The following C1QTNF7 variants were observed in gnomAD, a reference collection of about 807,000 sequenced individuals.
The protein encoded by C1QTNF7 is C1q and TNF related 7.
Under a neutral mutation model 19.6 loss-of-function variants are expected in C1QTNF7, and 15 were observed. The observed-to-expected ratio is 0.76, with a 90% CI of 0.51 to 1.18. The LOEUF is 1.18. C1QTNF7 is among the 50% of genes most tolerant of loss of function. The pLI is 0.00. For missense variants in C1QTNF7, 324 were observed against 359.7 expected, an observed-to-expected ratio of 0.90 and a Z score of 0.80; for synonymous variants, 142 against 137.5, an observed-to-expected ratio of 1.03 and a Z score of -0.23.
intron 1 of C1QTNF7, among the ~76,000 whole-genome samples, chr4:15,355,150 G>T (rs750788306): frequency 1.7e-4 from 26 of 152,140 alleles, no homozygotes; most frequent in African/African-American, 2.2e-4. Context: ...TGAGGAAACA[G>T]CACATGACAG....
intron 1 of C1QTNF7, among the ~76,000 whole-genome samples, chr4:15,350,330 A>G (rs1274823916): frequency 2.3e-4 from 10 of 44,382 alleles, no homozygotes; most frequent in Non-Finnish European, 3.1e-4. Flanking sequence ...GAAGGAGGAA[A>G]GAAAGGAGGG....
Position 15,446,107 on chromosome 4 carries a change from TA to T in C1QTNF7, c.*3309del, listed in dbSNP as rs1712991297. 2 of 152,226 alleles carry T rather than the reference TA, an allele frequency of 1.3e-5. 1 individual carries two copies. The highest frequency in any genetic ancestry group is 4.1e-4 in the South Asian group (2 of 4,836). The allele number at this position is 152,226 out of a possible 1,614,324, so 9.4% of individuals were successfully genotyped here. On this transcript the variant is annotated 3_prime_UTR_variant, in exon 3 of 3. Transcript: ENST00000444304. ...AAAAATAGATTCTATAAACTCTAAA[TA>T]TACTTTTTTTCTACCACTCTGTGTA...
chr4:15,363,027 T>A (rs73799811), intron 1 of C1QTNF7, among the ~76,000 whole-genome samples: 9,385 of 152,260 alleles, frequency 0.062, 333 homozygotes, highest in South Asian at 0.13. Flanking sequence ...GAACCTGGGT[T>A]CCCTGCCTTG....
chr4:15,388,087 T>C (rs763463948), intron 1 of C1QTNF7, among the ~76,000 whole-genome samples: 1 of 152,110 alleles, frequency 6.6e-6, no homozygotes, highest in Non-Finnish European at 1.5e-5. Context: ...ATCTATGCAG[T>C]GGTGGGAGAT....
intron 2 of C1QTNF7, among the ~76,000 whole-genome samples, chr4:15,439,578 T>C (rs1399091424): frequency 6.6e-6 from 1 of 152,224 alleles, no homozygotes; most frequent in Non-Finnish European, 1.5e-5. Context: ...TTATTACAAA[T>C]GGAGCATTTA....
In C1QTNF7 at chr4:15,442,776, A is replaced by G. The variant is rs139276266; in HGVS notation, c.847A>G (p.Ile283Val). ...CGTTGACACAGATTACCTAGATTCC[A>G]TATCAGAAGATGATGAATTGTGATC... Reference protein sequence around the residue: ...LYVDTDYLDSISEDDEL With the variant: ...LYVDTDYLDSVSEDDEL The change falls in exon 3 of 3, where the codon ATA (isoleucine) becomes GTA (valine). Residue 283 changes from isoleucine (I) to valine (V), a missense_variant. Ile to Val is a conservative substitution (Grantham distance 29). Transcript: ENST00000444304. 2.7e-5 allele frequency: 44 copies of G among 1,609,164 alleles called. No individual in the cohort carries two copies. Among genetic ancestry groups the G allele is most frequent in the Non-Finnish European group, 3.7e-5 (43 of 1,177,842 alleles).
intron 1 of C1QTNF7, among the ~76,000 whole-genome samples, chr4:15,422,167 T>C (rs1711801576): frequency 6.7e-6 from 1 of 149,278 alleles, no homozygotes. Context: ...AAAGGGTAAA[T>C]TTTACATTTT....
At chr4:15,422,202 T>C (rs561588776) in intron 1 of C1QTNF7, among the ~76,000 whole-genome samples, 1 of 40,456 alleles carries the variant, frequency 2.5e-5, no homozygotes, top group Admixed American at 2.5e-4. Context: ...AATAAACCTG[T>C]TTTTTTTTAA....
Position 15,442,202 on chromosome 4 carries a change from C to T in C1QTNF7, c.273C>T (p.Ala91=), listed in dbSNP as rs147288877. The change falls in exon 3 of 3, where the codon GCC becomes GCT. Residue 91 remains alanine, a synonymous_variant. Coordinates refer to ENST00000444304, the MANE Select transcript of C1QTNF7 (RefSeq NM_031911.5). ...GTAAGACTGGACCGCTAGGTCTTGCCGGTGAGAAAGGGGACCAAGGAGAGA... is the reference window on the plus strand; with the variant it reads ...GTAAGACTGGACCGCTAGGTCTTGCTGGTGAGAAAGGGGACCAAGGAGAGA... The part of the protein sequence containing the change: ...LRGKTGPLGL[A]GEKGDQGETG... The T allele has an allele frequency of 1.1e-4, 177 of 1,612,466 alleles. No homozygotes were observed. The highest frequency in any genetic ancestry group is 1.9e-4 in the African/African-American group (14 of 74,706).
chr4:15,340,265 A>G (rs907432995), intron 1 of C1QTNF7: 9 of 1,536,098 alleles, frequency 5.9e-6, no homozygotes, highest in Non-Finnish European at 7.9e-6. Context: ...GGCCTTCATC[A>G]AAATATTTCC....
At chr4:15,341,882 G>A (rs1716552599) in intron 1 of C1QTNF7, among the ~76,000 whole-genome samples, 1 of 152,234 alleles carries the variant, frequency 6.6e-6, no homozygotes, top group Non-Finnish European at 1.5e-5. Flanking sequence ...TGCACAGTGT[G>A]GCATGACGTG....
At chr4:15,386,149 G>A (rs956734847) in intron 1 of C1QTNF7, among the ~76,000 whole-genome samples, 4 of 152,132 alleles carry the variant, frequency 2.6e-5, no homozygotes, top group Non-Finnish European at 4.4e-5. Context: ...ATCCCAGCCC[G>A]GCTCCACAGG....
upstream of C1QTNF7, chr4:15,339,809 G>A: frequency 3.8e-6 from 1 of 263,128 alleles, no homozygotes; most frequent in Non-Finnish European, 7.3e-6. Flanking sequence ...GCCTCAGTCT[G>A]GGGTTTGCAG....
chr4:15,441,268 T>C (rs188180638), intron 2 of C1QTNF7, among the ~76,000 whole-genome samples: 1 of 152,360 alleles, frequency 6.6e-6, no homozygotes, highest in Non-Finnish European at 1.5e-5. Flanking sequence ...AAGTAACTCC[T>C]CTATGGCTCA....
intron 2 of C1QTNF7, among the ~76,000 whole-genome samples, chr4:15,441,465 G>T (rs764354118): frequency 1.3e-5 from 2 of 152,160 alleles, no homozygotes; most frequent in Non-Finnish European, 2.9e-5. Flanking sequence ...GAAATAGAAT[G>T]AAGCCTCTAG....
chr4:15,412,043 T>C (rs1342380437), intron 1 of C1QTNF7, among the ~76,000 whole-genome samples: 1 of 152,178 alleles, frequency 6.6e-6, no homozygotes, highest in East Asian at 1.9e-4. Flanking sequence ...GCAACAACAT[T>C]ATATTCTCAC....
chr4:15,347,481 C>T (rs992226625), intron 1 of C1QTNF7, among the ~76,000 whole-genome samples: 1 of 152,214 alleles, frequency 6.6e-6, no homozygotes, highest in Non-Finnish European at 1.5e-5. Context: ...TCCCCAGATG[C>T]CCTGTGGTTC....
intron 1 of C1QTNF7, among the ~76,000 whole-genome samples, chr4:15,392,241 A>G (rs1718585706): frequency 6.6e-6 from 1 of 152,164 alleles, no homozygotes; most frequent in South Asian, 2.1e-4. Flanking sequence ...ATTTCTTGCC[A>G]GAAGACTGGG....
At chr4:15,440,280 G>A (rs1712697430) in intron 2 of C1QTNF7, among the ~76,000 whole-genome samples, 1 of 151,872 alleles carries the variant, frequency 6.6e-6, no homozygotes, top group Non-Finnish European at 1.5e-5. Context: ...ACCGTTTAGT[G>A]ACAGAGCCAA....
Sources: gnomAD v4.1 joint callset for allele counts (sites outside exome capture counted in the v4.1 genomes callset) on GRCh38, gnomAD v4.1.1 for gene constraint, MANE v1.5 for transcripts, NCBI Gene and HGNC (gene_info 2026-07-23, HGNC 2026-07-21) for gene names.